The following CTNNA2 variants were observed in gnomAD, a reference collection of about 807,000 sequenced individuals.
CTNNA2 encodes the protein catenin alpha-2.
Under a neutral mutation model 101.0 loss-of-function variants are expected in CTNNA2, and 42 were observed. The observed-to-expected ratio is 0.42, with a 90% CI of 0.32 to 0.54. The LOEUF (loss-of-function observed/expected upper bound fraction) is 0.54. Among genes scored for constraint, CTNNA2 ranks in the 20% least tolerant of loss-of-function variants. The pLI is 0.14. For missense variants in CTNNA2, 871 were observed against 1,223.1 expected, an observed-to-expected ratio of 0.71 and a Z score of 4.29; for synonymous variants, 450 against 456.4, an observed-to-expected ratio of 0.99 and a Z score of 0.18.
chr2:80,396,621 A>G (rs1017457297), intron 8 of CTNNA2, among the ~76,000 whole-genome samples: 3 of 152,166 alleles, frequency 2.0e-5, no homozygotes, highest in Non-Finnish European at 2.9e-5. Flanking sequence ...TCTAGGTATG[A>G]TCTCTTAATT....
upstream of CTNNA2, among the ~76,000 whole-genome samples, chr2:79,512,333 A>C (rs946148848): frequency 7.9e-5 from 12 of 152,198 alleles, no homozygotes; most frequent in African/African-American, 2.4e-4. Context: ...GAAAATATTC[A>C]ACAAAGGCTT....
At chr2:79,687,755 G>A in intron 2 of CTNNA2, 2 of 487,528 alleles carry the variant, frequency 4.1e-6, no homozygotes, top group Middle Eastern at 5.5e-4. Flanking sequence ...ATCCCAAAAT[G>A]CTGAAAATTA....
At chr2:79,648,805 A>G (rs1376017425) in intron 1 of CTNNA2, among the ~76,000 whole-genome samples, 1 of 152,214 alleles carries the variant, frequency 6.6e-6, no homozygotes, top group East Asian at 1.9e-4. Flanking sequence ...GGGTAGAGAC[A>G]GAATTCCTGG....
chr2:79,333,466 C>G (rs1464582652), intron 3 of CTNNA2, among the ~76,000 whole-genome samples: 1 of 152,082 alleles, frequency 6.6e-6, no homozygotes, highest in Non-Finnish European at 1.5e-5. Flanking sequence ...AGGTTGGCTG[C>G]AATTCTTCCT....
intron 7 of CTNNA2, among the ~76,000 whole-genome samples, chr2:80,348,619 A>T (rs1673001604): frequency 6.6e-6 from 1 of 152,158 alleles, no homozygotes; most frequent in Non-Finnish European, 1.5e-5. Context: ...AGCAACTTTA[A>T]AAAGAGCATT....
intron 3 of CTNNA2, among the ~76,000 whole-genome samples, chr2:79,344,519 G>A (rs550979104): frequency 8.6e-5 from 13 of 151,898 alleles, no homozygotes; most frequent in South Asian, 2.1e-4. Flanking sequence ...TTAATGAAAC[G>A]CAATAGCCTC....
At chr2:79,231,331 A>C (rs1247019407) in intron 2 of CTNNA2, among the ~76,000 whole-genome samples, 1 of 152,010 alleles carries the variant, frequency 6.6e-6, no homozygotes, top group Non-Finnish European at 1.5e-5. Flanking sequence ...ATGAGATCTG[A>C]TGGGTTTATC....
chr2:79,505,452 G>T (rs549598127), intron 5 of CTNNA2, among the ~76,000 whole-genome samples: 1 of 152,246 alleles, frequency 6.6e-6, no homozygotes, highest in East Asian at 1.9e-4. Flanking sequence ...AAGAAAAGTG[G>T]ACATTTCTTC....
At chr2:80,365,136 GTCACCACCTTTACCGTA>G (rs1674800317) in intron 7 of CTNNA2, among the ~76,000 whole-genome samples, 1 of 152,110 alleles carries the variant, frequency 6.6e-6, no homozygotes, top group South Asian at 2.1e-4. Flanking sequence ...TGGGGTTGTT[GTCACCACCTTTACCGTA>G]TCTATTCAAA....
chr2:79,213,353 T>A (rs754030305), intron 2 of CTNNA2, among the ~76,000 whole-genome samples: 6 of 152,108 alleles, frequency 3.9e-5, no homozygotes, highest in Non-Finnish European at 7.4e-5. Context: ...AGGACCCTTG[T>A]GTAGTGAGGA....
intron 7 of CTNNA2, among the ~76,000 whole-genome samples, chr2:80,198,953 C>T (rs1002939037): frequency 1.3e-5 from 2 of 151,716 alleles, no homozygotes; most frequent in Admixed American, 6.6e-5. Context: ...GAGGCCAAGG[C>T]GGGCATATCA....
intron 2 of CTNNA2, among the ~76,000 whole-genome samples, chr2:79,704,644 C>T (rs1016686065): frequency 6.6e-5 from 10 of 151,726 alleles, no homozygotes; most frequent in Non-Finnish European, 1.3e-4. Context: ...TCCCAAGTAG[C>T]TGGGACTACA....
At chr2:79,347,424 AG>A (rs1451012901) in intron 3 of CTNNA2, among the ~76,000 whole-genome samples, 1 of 152,228 alleles carries the variant, frequency 6.6e-6, no homozygotes, top group Non-Finnish European at 1.5e-5. Context: ...CTTTACTTAA[AG>A]GGTTGTTGGG....
At chr2:80,393,902 G>A (rs557438600) in intron 8 of CTNNA2, among the ~76,000 whole-genome samples, 70 of 152,136 alleles carry the variant, frequency 4.6e-4, no homozygotes, top group Non-Finnish European at 9.1e-4. Flanking sequence ...TTGTATGAAC[G>A]CTGGTAAATG....
intron 2 of CTNNA2, among the ~76,000 whole-genome samples, chr2:79,722,648 G>A (rs1686563446): frequency 6.6e-6 from 1 of 151,998 alleles, no homozygotes; most frequent in South Asian, 2.1e-4. Context: ...TCAGATTTGT[G>A]TAACTTATTT....
intron 4 of CTNNA2, among the ~76,000 whole-genome samples, chr2:79,461,424 C>T (rs1558671599): frequency 6.6e-6 from 1 of 152,122 alleles, no homozygotes; most frequent in Non-Finnish European, 1.5e-5. Context: ...CAGAATCTCA[C>T]CTTTGACCTG....
chr2:79,670,145 G>A (rs1381509682), intron 2 of CTNNA2, among the ~76,000 whole-genome samples: 1 of 152,164 alleles, frequency 6.6e-6, no homozygotes, highest in Non-Finnish European at 1.5e-5. Context: ...AGCTGCACCC[G>A]GGAGCTCACG....
intron 2 of CTNNA2, among the ~76,000 whole-genome samples, chr2:79,243,527 G>T (rs755915144): frequency 7.9e-5 from 12 of 152,166 alleles, no homozygotes; most frequent in African/African-American, 7.2e-5. Flanking sequence ...AACGAAGCTT[G>T]TTAAGCCCCT....
intron 9 of CTNNA2, among the ~76,000 whole-genome samples, chr2:80,503,241 T>C (rs1688016825): frequency 6.6e-6 from 1 of 152,122 alleles, no homozygotes; most frequent in Admixed American, 6.5e-5. Flanking sequence ...GCTTTAGAAA[T>C]CTTTCAATCA....
Sources: gnomAD v4.1 joint callset for allele counts (sites outside exome capture counted in the v4.1 genomes callset) on GRCh38, gnomAD v4.1.1 for gene constraint, MANE v1.5 for transcripts, NCBI Gene and HGNC (gene_info 2026-07-23, HGNC 2026-07-21) for gene names.